Variants in WIPF3 observed in about 807,000 individuals in gnomAD.
WIPF3 encodes WAS/WASL-interacting protein family member 3.
WIPF3 carries 33 observed loss-of-function variants against 38.9 expected under a neutral mutation model. That is an observed-to-expected ratio of 0.85 (90% CI 0.64 to 1.14). The LOEUF is 1.14. Ranked by LOEUF, WIPF3 falls within the 50% of genes most tolerant of loss-of-function variation. The probability of loss-of-function intolerance (pLI) is 0.00; values close to 1 mark genes in which losing one functional copy is unlikely to be tolerated. For synonymous variants in WIPF3, 324 were observed against 269.3 expected (o/e 1.20, Z -1.99); for missense variants, 711 against 652.5 (o/e 1.09, Z -0.98).
rs572323909 is a variant in WIPF3, at chr7:29,884,529, G to C, written c.1035G>C (p.Leu345Phe). Reference protein sequence around the residue: ...APPQKAGAQALPAPPAPPGSQ... With the variant: ...APPQKAGAQAFPAPPAPPGSQ... ...CGCAGAAGGCCGGTGCGCAGGCCTT[G>C]CCCGCCCCGCCTGCCCCTCCGGGCT... The change falls in exon 5 of 9, where the codon TTG becomes TTC. Residue 345 changes from leucine (L) to phenylalanine (F), a missense_variant. Leu to Phe is a conservative substitution (Grantham distance 22, BLOSUM62 0). Transcript: ENST00000242140. 6.3e-7 allele frequency: 1 copy of C among 1,582,906 alleles called. No individual in the cohort carries two copies. The highest frequency in any genetic ancestry group is 1.4e-5 in the African/African-American group (1 of 73,588).
chr7:29,896,783 T>C (rs1322365247), intron 7 of WIPF3, among the ~76,000 whole-genome samples: 1 of 152,210 alleles, frequency 6.6e-6, no homozygotes, highest in Admixed American at 6.5e-5. Context: ...AAACTGTCAG[T>C]AGGAATTTTG....
intron 1 of WIPF3, among the ~76,000 whole-genome samples, chr7:29,807,522 C>T (rs1784302100): frequency 6.6e-6 from 1 of 152,214 alleles, no homozygotes; most frequent in Non-Finnish European, 1.5e-5. Context: ...CAGGCAGGCA[C>T]CGGCTCTCAG....
intron 3 of WIPF3, among the ~76,000 whole-genome samples, chr7:29,877,464 C>T (rs950413326): frequency 2.0e-5 from 3 of 152,224 alleles, no homozygotes; most frequent in Non-Finnish European, 4.4e-5. Context: ...TCCGGGTATT[C>T]TGGTGATACT....
At position 29,806,539 on chromosome 7, in the gene WIPF3, C is replaced by A; in HGVS notation, c.-197C>A. On this transcript the variant is annotated 5_prime_UTR_variant, in exon 1 of 9. Transcript: ENST00000242140. ...GCCGGTGGCCGGGGAGCGAGCCGGG[C>A]GCACCGAGCGCAGCTCGGCGGTAGC... 6.6e-6 allele frequency: 1 copy of A among 151,292 alleles called. No individual in the cohort carries two copies. The highest frequency in any genetic ancestry group is 2.0e-4 in the East Asian group (1 of 5,126). 9.4% of individuals were successfully genotyped at this position (151,292 alleles called of 1,614,324 possible).
intron 1 of WIPF3, among the ~76,000 whole-genome samples, chr7:29,814,529 G>A (rs574625846): frequency 3.9e-5 from 6 of 152,298 alleles, no homozygotes; most frequent in Non-Finnish European, 7.3e-5. Context: ...TGTGCTTGTC[G>A]AAGGCTGGGG....
At chr7:29,880,065 C>T (rs762205375) in intron 4 of WIPF3, among the ~76,000 whole-genome samples, 1 of 152,274 alleles carries the variant, frequency 6.6e-6, no homozygotes, top group Non-Finnish European at 1.5e-5. Context: ...AATCAGTCTA[C>T]CTCAGTGATT....
intron 1 of WIPF3, among the ~76,000 whole-genome samples, chr7:29,810,645 T>A (rs1353187271): frequency 6.6e-6 from 1 of 152,226 alleles, no homozygotes; most frequent in East Asian, 1.9e-4. Context: ...CCAATAGTTA[T>A]CTCCTTTAGG....
At chr7:29,908,710 A>G (rs925361147) in intron 8 of WIPF3, among the ~76,000 whole-genome samples, 7 of 152,142 alleles carry the variant, frequency 4.6e-5, no homozygotes, top group African/African-American at 1.7e-4. Flanking sequence ...CAGGAGTTCC[A>G]GATCAGCCTG....
intron 7 of WIPF3, among the ~76,000 whole-genome samples, chr7:29,892,892 CCT>C (rs1335902018): frequency 2.0e-5 from 3 of 152,116 alleles, no homozygotes; most frequent in Middle Eastern, 3.4e-3. Context: ...ATGGTGAAAC[CCT>C]GTCTCTACTA....
chr7:29,823,245 T>C lies in WIPF3; in HGVS notation c.-57-11423T>C, dbSNP rs893730208. ...CAGAGAAGCCTTTTCTAGTGTGCAC[T>C]GTAAGCTTTGAGAACCCAACATTCA... is the stretch of plus-strand genomic sequence containing the variant. On this transcript the variant is annotated intron_variant, in intron 1 of 8. Transcript: ENST00000242140. This position sits in a 1 kb window ranked among gnomAD's most constrained non-coding sequence, Gnocchi z 4.0. Among the ~76,000 whole-genome samples the C allele has an allele frequency of 6.6e-6, 1 of 152,176 alleles. No homozygotes were observed.
At chr7:29,824,574 G>A (rs1184813318) in intron 1 of WIPF3, among the ~76,000 whole-genome samples, 1 of 151,946 alleles carries the variant, frequency 6.6e-6, no homozygotes, top group Non-Finnish European at 1.5e-5. Flanking sequence ...AGAAAAAAAA[G>A]GATATAAGAA....
chr7:29,889,938 G>T (rs1042253906), intron 7 of WIPF3, among the ~76,000 whole-genome samples: 1 of 152,216 alleles, frequency 6.6e-6, no homozygotes, highest in South Asian at 2.1e-4. Flanking sequence ...TTTAAAAGCT[G>T]CCAGGTCATT....
At chr7:29,900,265 C>T (rs56050593) in intron 7 of WIPF3, among the ~76,000 whole-genome samples, 17,419 of 152,162 alleles carry the variant, frequency 0.11, 1,071 homozygotes, top group African/African-American at 0.13. Context: ...AAGTGGTTAT[C>T]GCTCAATGGT....
chr7:29,824,633 T>C (rs961309746), intron 1 of WIPF3, among the ~76,000 whole-genome samples: 2 of 150,620 alleles, frequency 1.3e-5, no homozygotes, highest in African/African-American at 4.9e-5. Context: ...CAGAACACAG[T>C]GGAGGATGAG....
chr7:29,908,150 TGAAAGGATG>T (rs1159910056), intron 8 of WIPF3, among the ~76,000 whole-genome samples: 1 of 152,086 alleles, frequency 6.6e-6, no homozygotes, highest in Non-Finnish European at 1.5e-5. Flanking sequence ...AGGTTGAAAG[TGAAAGGATG>T]GAAAGAGATA....
At chr7:29,837,278 C>T (rs1044880225) in intron 2 of WIPF3, among the ~76,000 whole-genome samples, 1 of 152,118 alleles carries the variant, frequency 6.6e-6, no homozygotes, top group Non-Finnish European at 1.5e-5. Context: ...ATGGTGTGAA[C>T]CCAGGAGGCG....
intron 2 of WIPF3, among the ~76,000 whole-genome samples, chr7:29,857,272 G>A (rs1429109449): frequency 1.3e-5 from 2 of 151,968 alleles, no homozygotes; most frequent in East Asian, 3.9e-4. Context: ...CCCATAATCT[G>A]GCATTTCAGA....
chr7:29,899,987 G>A (rs1786241088), intron 7 of WIPF3, among the ~76,000 whole-genome samples: 1 of 152,054 alleles, frequency 6.6e-6, no homozygotes, highest in African/African-American at 2.4e-5. Context: ...GCCCTGGCTC[G>A]AGTACAATGG....
intron 1 of WIPF3, among the ~76,000 whole-genome samples, chr7:29,815,069 G>A (rs949345770): frequency 2.6e-5 from 4 of 152,072 alleles, no homozygotes; most frequent in African/African-American, 9.7e-5. Flanking sequence ...TCTAACACTC[G>A]TTTAAACGTT....
Sources: gnomAD v4.1 joint callset for allele counts (sites outside exome capture counted in the v4.1 genomes callset) on GRCh38, gnomAD v4.1.1 for gene constraint, Gnocchi (gnomAD v3.1) non-coding constraint, MANE v1.5 for transcripts, NCBI Gene and HGNC (gene_info 2026-07-23, HGNC 2026-07-21) for gene names.